DOCK4: variants seen among roughly 807,000 people sequenced by gnomAD.
The protein encoded by DOCK4 is dedicator of cytokinesis 4.
In DOCK4, 97 loss-of-function variants were observed where a neutral mutation model predicts 268.1. The observed-to-expected ratio is 0.36, with a 90% CI of 0.31 to 0.43. DOCK4 has a LOEUF of 0.43. Among genes scored for constraint, DOCK4 ranks in the 20% least tolerant of loss-of-function variants. The pLI, the probability that DOCK4 is intolerant of heterozygous loss-of-function variation, is 1.00. For missense variants in DOCK4, 2,145 were observed against 2,455.7 expected (o/e 0.87, Z 2.67); for synonymous variants, 954 against 887.2 (o/e 1.08, Z -1.34).
At chr7:111,969,700 G>A (rs1317891020) in intron 8 of DOCK4, among the ~76,000 whole-genome samples, 1 of 150,048 alleles carries the variant, frequency 6.7e-6, no homozygotes, top group East Asian at 1.9e-4. Flanking sequence ...AAAATTTACT[G>A]TCTATTGTAG....
At chr7:111,849,262 C>CTTTT (rs200312873) in intron 23 of DOCK4, among the ~76,000 whole-genome samples, 119 of 133,358 alleles carry the variant, frequency 8.9e-4, no homozygotes, top group African/African-American at 3.0e-3. Context: ...TTCCTAGTTA[C>CTTTT]TTTTTTTTTT....
chr7:111,928,150 TTTTCTTTTGTTACTC>T (rs1473150214), intron 12 of DOCK4, among the ~76,000 whole-genome samples: 1 of 152,224 alleles, frequency 6.6e-6, no homozygotes, highest in East Asian at 1.9e-4. Context: ...GTTTGTATAC[TTTTCTTTTGTTACTC>T]TGTCTTTTGT....
chr7:112,001,779 A>C (rs1800445369), intron 2 of DOCK4, among the ~76,000 whole-genome samples: 1 of 152,190 alleles, frequency 6.6e-6, no homozygotes, highest in Non-Finnish European at 1.5e-5. Flanking sequence ...AAAGGAAAAA[A>C]TGTAGGATGT....
chr7:111,741,464 A>G (rs754882809), intron 46 of DOCK4, 76 bp downstream of exon 46: 25 of 1,562,382 alleles, frequency 1.6e-5, no homozygotes, highest in Non-Finnish European at 2.2e-5. Context: ...AAATTGTGCC[A>G]TAAAGAATGA....
chr7:111,861,765 A>AATAATAAT lies in DOCK4; in HGVS notation c.2473+1599_2473+1606dup, dbSNP rs1404287718. On this transcript the variant is annotated intron_variant, in intron 23 of 52. Coordinates refer to ENST00000428084, the MANE Select transcript of DOCK4 (RefSeq NM_001363540.2). Reference sequence around the variant, plus strand: ...AGTCTCAAAAAAAAAAAAAAATAATAATAATAATATTAATAAAAAAAACAC... The same window carrying AATAATAAT: ...AGTCTCAAAAAAAAAAAAAAATAATAATAATAATATAATAATATTAATAAAAAAAACAC... Among the ~76,000 whole-genome samples the AATAATAAT allele has an allele frequency of 2.0e-5, 3 of 149,072 alleles. No individual in the cohort carries two copies. In the East Asian group the frequency reaches 5.8e-4, roughly 29 times the overall value.
intron 1 of DOCK4, among the ~76,000 whole-genome samples, chr7:112,038,959 G>A (rs557903): frequency 1.3e-5 from 2 of 152,134 alleles, no homozygotes; most frequent in African/African-American, 4.8e-5. Flanking sequence ...TTTATCCATG[G>A]CAGTGTTCAT....
At chr7:111,740,597 G>A (rs1171352422) in intron 47 of DOCK4, among the ~76,000 whole-genome samples, 1 of 150,552 alleles carries the variant, frequency 6.6e-6, no homozygotes, top group Non-Finnish European at 1.5e-5. Flanking sequence ...GTCGGGCGTG[G>A]TGGTACACAC....
At chr7:111,906,040 G>A (rs1213186213) in intron 13 of DOCK4, among the ~76,000 whole-genome samples, 1 of 152,130 alleles carries the variant, frequency 6.6e-6, no homozygotes, top group African/African-American at 2.4e-5. Flanking sequence ...AAATTAAAGT[G>A]TAGGGATTAA....
intron 30 of DOCK4, among the ~76,000 whole-genome samples, chr7:111,791,070 T>TTATATA (rs35033313): frequency 0.029 from 2,758 of 95,326 alleles, 58 homozygotes; most frequent in East Asian, 0.041. Flanking sequence ...AAAAAAAAAA[T>TTATATA]TATATATATA....
At chr7:111,963,916 C>A (rs1797159954) in intron 8 of DOCK4, among the ~76,000 whole-genome samples, 1 of 79,024 alleles carries the variant, frequency 1.3e-5, no homozygotes, top group South Asian at 5.1e-4. Context: ...CCCGAGCAGC[C>A]TAACTGGGAG....
intron 12 of DOCK4, among the ~76,000 whole-genome samples, chr7:111,927,954 A>C (rs1350525367): frequency 6.6e-6 from 1 of 152,194 alleles, no homozygotes; most frequent in Non-Finnish European, 1.5e-5. Context: ...GAACCTGAAT[A>C]AACAGGCCTT....
chr7:111,822,079 G>T (rs1282161694), intron 27 of DOCK4, among the ~76,000 whole-genome samples: 1 of 152,152 alleles, frequency 6.6e-6, no homozygotes, highest in Non-Finnish European at 1.5e-5. Flanking sequence ...AACACTAGGA[G>T]GACATGTAAG....
intron 1 of DOCK4, among the ~76,000 whole-genome samples, chr7:112,034,570 C>T (rs1442003852): frequency 2.6e-5 from 4 of 152,188 alleles, no homozygotes; most frequent in Admixed American, 6.5e-5. Flanking sequence ...AGTTGAACCA[C>T]GCATGGCTGC....
At chr7:112,091,991 T>A (rs1276826631) in intron 1 of DOCK4, among the ~76,000 whole-genome samples, 2 of 152,132 alleles carry the variant, frequency 1.3e-5, no homozygotes, top group Non-Finnish European at 2.9e-5. Context: ...TCTCACTATC[T>A]AACCAGATAA....
intron 21 of DOCK4, 54 bp downstream of exon 21, chr7:111,869,520 A>G: frequency 6.6e-7 from 1 of 1,524,942 alleles, no homozygotes. Context: ...TAGTTTAAGC[A>G]TCAGCATGCA....
At chr7:111,911,617 G>A (rs188867583) in intron 13 of DOCK4, among the ~76,000 whole-genome samples, 10 of 152,270 alleles carry the variant, frequency 6.6e-5, no homozygotes, top group Non-Finnish European at 1.2e-4. Context: ...GGACAGAAAC[G>A]AGCCTTATTC....
intron 1 of DOCK4, among the ~76,000 whole-genome samples, chr7:112,022,533 T>C (rs1489170790): frequency 1.3e-5 from 2 of 152,188 alleles, no homozygotes; most frequent in Non-Finnish European, 2.9e-5. Context: ...TCCTGCTACT[T>C]ATTAACGACG....
At chr7:111,977,570 C>A (rs535381779) in intron 7 of DOCK4, among the ~76,000 whole-genome samples, 2 of 152,118 alleles carry the variant, frequency 1.3e-5, no homozygotes, top group Non-Finnish European at 2.9e-5. Context: ...TATCAAGGAA[C>A]CTTGCTTGAA....
intron 1 of DOCK4, among the ~76,000 whole-genome samples, chr7:112,073,790 G>A (rs1028650039): frequency 2.0e-5 from 3 of 152,106 alleles, no homozygotes; most frequent in African/African-American, 7.2e-5. Flanking sequence ...GGAGAAGTTG[G>A]TTAACAGATA....
Sources: allele counts gnomAD v4.1 joint callset (sites outside exome capture counted in the v4.1 genomes callset), GRCh38; gene constraint gnomAD v4.1.1; transcripts MANE v1.5; gene names NCBI Gene and HGNC (gene_info 2026-07-23, HGNC 2026-07-21).